Variants in LHFPL3 observed in about 807,000 individuals in gnomAD.
The protein encoded by LHFPL3 is LHFPL tetraspan subfamily member 3, also known as LHFPL tetraspan subfamily member 3 protein.
A neutral mutation model predicts 19.3 loss-of-function variants in LHFPL3; 5 were observed. The ratio of observed to expected loss-of-function variants is 0.26; its 90% CI spans 0.14 to 0.54. The LOEUF (loss-of-function observed/expected upper bound fraction) is 0.54. Ranked by LOEUF, LHFPL3 falls within the 20% of genes least tolerant of loss-of-function variation. LHFPL3 has a pLI of 0.94. For missense variants in LHFPL3, 249 were observed against 307.4 expected, an observed-to-expected ratio of 0.81 and a Z score of 1.42; for synonymous variants, 133 against 126.2, an observed-to-expected ratio of 1.05 and a Z score of -0.36.
At chr7:104,716,096 C>T (rs946385428) in intron 1 of LHFPL3, among the ~76,000 whole-genome samples, 2 of 152,144 alleles carry the variant, frequency 1.3e-5, no homozygotes, top group Non-Finnish European at 2.9e-5. Flanking sequence ...TGCCTGTAAT[C>T]CCAGCACTTT....
chr7:104,582,544 T>C (rs926019088), intron 1 of LHFPL3, among the ~76,000 whole-genome samples: 3 of 152,064 alleles, frequency 2.0e-5, no homozygotes, highest in Admixed American at 6.6e-5. Context: ...GTTTTCCTAA[T>C]TATAGGGAGA....
intron 1 of LHFPL3, among the ~76,000 whole-genome samples, chr7:104,555,549 G>T (rs975473692): frequency 2.6e-5 from 4 of 152,236 alleles, no homozygotes; most frequent in Middle Eastern, 3.4e-3. Flanking sequence ...GCACAGGAAA[G>T]ACCCGCCCCC....
chr7:104,906,323 A>G lies in LHFPL3; in HGVS notation c.*108A>G. 8.0e-7 allele frequency: 1 copy of G among 1,248,838 alleles called. No homozygotes were observed. 77.4% of individuals were successfully genotyped at this position (1,248,838 alleles called of 1,614,324 possible). ...AGAAGGAATACGCCTGAGAGAGATC[A>G]GAGTATATAGATGAATATGAACAAG... On this transcript the variant is annotated 3_prime_UTR_variant, in exon 3 of 3. Coordinates refer to ENST00000424859, the MANE Select transcript of LHFPL3 (RefSeq NM_199000.3).
chr7:104,677,970 G>A (rs1463501670), intron 1 of LHFPL3, among the ~76,000 whole-genome samples: 1 of 152,166 alleles, frequency 6.6e-6, no homozygotes, highest in African/African-American at 2.4e-5. Flanking sequence ...GATAGGCCTG[G>A]AACATAGAGG....
chr7:104,839,897 G>A (rs1168225225), intron 2 of LHFPL3, among the ~76,000 whole-genome samples: 2 of 151,850 alleles, frequency 1.3e-5, no homozygotes, highest in African/African-American at 4.8e-5. Flanking sequence ...TGAGTCAGGA[G>A]GTCTACCACT....
chr7:104,374,240 G>GTGTA (rs1375099423), intron 1 of LHFPL3, among the ~76,000 whole-genome samples: 1 of 147,510 alleles, frequency 6.8e-6, no homozygotes, highest in African/African-American at 2.5e-5. Flanking sequence ...GTGTGTGTGT[G>GTGTA]TATACATATA....
At chr7:104,829,334 T>A (rs541823939) in intron 2 of LHFPL3, among the ~76,000 whole-genome samples, 3 of 151,984 alleles carry the variant, frequency 2.0e-5, no homozygotes, top group African/African-American at 7.3e-5. Context: ...GCTTTTTTTT[T>A]TAATTATTAT....
chr7:104,395,079 C>G (rs866661768), intron 1 of LHFPL3, among the ~76,000 whole-genome samples: 8 of 151,934 alleles, frequency 5.3e-5, no homozygotes, highest in Admixed American at 2.6e-4. Flanking sequence ...TATACCACAA[C>G]TATCCAACAT....
intron 1 of LHFPL3, among the ~76,000 whole-genome samples, chr7:104,360,211 A>AAT (rs1790363752): frequency 2.0e-5 from 3 of 152,222 alleles, no homozygotes. Context: ...AATGGCAAGT[A>AAT]ATTCACTTGA....
At chr7:104,793,636 G>A (rs1016136838) in intron 2 of LHFPL3, among the ~76,000 whole-genome samples, 4 of 152,224 alleles carry the variant, frequency 2.6e-5, no homozygotes, top group African/African-American at 9.6e-5. Context: ...TGCACTGACA[G>A]CTGACCAGAC....
At chr7:104,702,690 G>A (rs556481420) in intron 1 of LHFPL3, among the ~76,000 whole-genome samples, 1 of 152,282 alleles carries the variant, frequency 6.6e-6, no homozygotes, top group South Asian at 2.1e-4. Context: ...TTGGCATTAG[G>A]CACTTGGAGG....
intron 1 of LHFPL3, among the ~76,000 whole-genome samples, chr7:104,614,468 C>A (rs1351417981): frequency 6.6e-6 from 1 of 152,038 alleles, no homozygotes; most frequent in Non-Finnish European, 1.5e-5. Context: ...AGAACTGGCA[C>A]CTGGTAAACA....
intron 1 of LHFPL3, among the ~76,000 whole-genome samples, chr7:104,543,738 G>A (rs1478817689): frequency 7.9e-6 from 1 of 126,908 alleles, no homozygotes; most frequent in Non-Finnish European, 1.6e-5. Flanking sequence ...ACACAGGAAG[G>A]GGAACATCAC....
At chr7:104,468,876 G>C (rs1040596385) in intron 1 of LHFPL3, among the ~76,000 whole-genome samples, 1 of 152,028 alleles carries the variant, frequency 6.6e-6, no homozygotes, top group Non-Finnish European at 1.5e-5. Context: ...GGCCAGGCTG[G>C]TCTTGAACTC....
chr7:104,473,417 TAAC>T (rs1792949402), intron 1 of LHFPL3, among the ~76,000 whole-genome samples: 1 of 152,238 alleles, frequency 6.6e-6, no homozygotes, highest in Admixed American at 6.5e-5. Context: ...GCAGGTTGCC[TAAC>T]ATCATAAAAG....
rs549858132 is a variant in LHFPL3, at chr7:104,492,965, T to G, written c.445+163741T>G. 3.3e-5 allele frequency among the ~76,000 whole-genome samples: 5 copies of G among 152,352 alleles called. No homozygotes were observed. The South Asian group carries it at 8.3e-4, about 25-fold the overall frequency. ...GTCTGTAATTAGGGACATGTCCGAC[T>G]GATCTTAAAACTTCACTGTATCTTT... On this transcript the variant is annotated intron_variant, in intron 1 of 2. Coordinates refer to ENST00000424859, the MANE Select transcript of LHFPL3 (RefSeq NM_199000.3).
At position 104,441,263 on chromosome 7, in the gene LHFPL3, A is replaced by G. The variant is rs1379849071; in HGVS notation, c.445+112039A>G. On this transcript the variant is annotated intron_variant, in intron 1 of 2. Transcript: ENST00000424859. ...GCTTCTATGAGTGTGACTATTTTACATGCCTCATATAAGTGAAATTGTGCA... is the reference window on the plus strand; with the variant it reads ...GCTTCTATGAGTGTGACTATTTTACGTGCCTCATATAAGTGAAATTGTGCA... 3.3e-5 allele frequency among the ~76,000 whole-genome samples: 5 copies of G among 152,078 alleles called. No homozygotes were observed. In the East Asian group the frequency reaches 9.7e-4, roughly 29 times the overall value.
chr7:104,623,176 C>T (rs1030845597), intron 1 of LHFPL3, among the ~76,000 whole-genome samples: 14 of 151,896 alleles, frequency 9.2e-5, no homozygotes, highest in South Asian at 2.1e-4. Context: ...ATTTGATATC[C>T]GATTTGCAAG....
intron 1 of LHFPL3, among the ~76,000 whole-genome samples, chr7:104,589,416 A>G (rs185386567): frequency 6.6e-6 from 1 of 152,172 alleles, no homozygotes; most frequent in Non-Finnish European, 1.5e-5. Context: ...GATTACATTT[A>G]TTGATTTGCA....
Sources: gnomAD v4.1 joint callset for allele counts (sites outside exome capture counted in the v4.1 genomes callset) on GRCh38, gnomAD v4.1.1 for gene constraint, MANE v1.5 for transcripts, NCBI Gene and HGNC (gene_info 2026-07-23, HGNC 2026-07-21) for gene names.